Variants in ACO2 observed in about 807,000 individuals in gnomAD.
ACO2 encodes the protein aconitate hydratase, mitochondrial.
A neutral mutation model predicts 84.5 loss-of-function variants in ACO2; 31 were observed. That is an observed-to-expected ratio of 0.37 (90% CI 0.28 to 0.50). ACO2 has a LOEUF of 0.50. Among genes scored for constraint, ACO2 ranks in the 20% least tolerant of loss-of-function variants. The pLI is 0.97. For synonymous variants in ACO2, 414 were observed against 412.7 expected (o/e 1.00, Z -0.04); for missense variants, 685 against 1,029.3 (o/e 0.67, Z 4.58).
intron 16 of ACO2, 49 bp from the exon 17 acceptor site, chr22:41,527,852 T>G: frequency 6.2e-7 from 1 of 1,613,402 alleles, no homozygotes; most frequent in African/African-American, 1.3e-5. Context: ...AAAATGAAGC[T>G]CTCCAGGCTA....
In ACO2 at chr22:41,528,553, G is replaced by T. The variant is rs183859386; in HGVS notation, c.2283G>T (p.Thr761=). ...TILLNHTFNE[T]QIEWFRAGSA... is the part of the protein sequence containing the mutation. ...TCCTGAACCACACCTTCAACGAGAC[G>T]CAGATTGAGTGGTTCCGCGCTGGCA... The change falls in exon 18 of 18, where the codon ACG becomes ACT. Residue 761 remains threonine (T), a synonymous_variant. Coordinates refer to ENST00000216254, the MANE Select transcript of ACO2 (RefSeq NM_001098.3). 1.4e-5 allele frequency: 22 copies of T among 1,613,114 alleles called. No homozygotes were observed. The highest frequency in any genetic ancestry group is 1.9e-5 in the Non-Finnish European group (22 of 1,180,032).
chr22:41,474,811 G>A (rs1028282940), intron 1 of ACO2, among the ~76,000 whole-genome samples: 4 of 150,736 alleles, frequency 2.7e-5, no homozygotes, highest in African/African-American at 9.8e-5. Context: ...CTATTAGCCG[G>A]GATGGTCTCG....
chr22:41,518,417 T>G (rs2066492802), intron 7 of ACO2, 64 bp from the exon 8 acceptor site: 3 of 1,292,890 alleles, frequency 2.3e-6, no homozygotes, highest in Non-Finnish European at 3.3e-6. Flanking sequence ...AGGTGGGTGG[T>G]GAGTGAACTC....
Position 41,515,959 on chromosome 22 carries a change from G to A in ACO2, c.835+42G>A, listed in dbSNP as rs367893176. ...GGCGACGTGGCCCCTACCCTGTGCT[G>A]GGCCTGATGGGTCTCCAGTTGGGAG... is the stretch of plus-strand genomic sequence containing the variant. On this transcript the variant is annotated intron_variant, in intron 6 of 17. Coordinates refer to ENST00000216254, the MANE Select transcript of ACO2 (RefSeq NM_001098.3). This position sits in a 1 kb window ranked among gnomAD's most constrained non-coding sequence, Gnocchi z 5.8. 10 of 1,592,702 alleles carry A rather than the reference G, an allele frequency of 6.3e-6. No homozygotes were observed. The highest frequency in any genetic ancestry group is 8.6e-6 in the Non-Finnish European group (10 of 1,169,310).
Position 41,507,585 on chromosome 22 carries a change from C to G in ACO2, c.174-206C>G, listed in dbSNP as rs2066402980. On this transcript the variant is annotated intron_variant, in intron 2 of 17. Transcript: ENST00000216254. The stretch of plus-strand genomic sequence containing the variant: ...CATCAAGTAATTGTGGAGCACCTAA[C>G]AAGTGCCAGGTGCTGCAGGAGGTGA... 1.3e-5 allele frequency among the ~76,000 whole-genome samples: 2 copies of G among 152,202 alleles called. 1 individual carries two copies. Among genetic ancestry groups the G allele is most frequent in the Middle Eastern group, 6.3e-3 (2 of 316 alleles).
chr22:41,508,122 C>T, intron 3 of ACO2, 73 bp downstream of exon 3: 2 of 1,520,372 alleles, frequency 1.3e-6, no homozygotes, highest in Non-Finnish European at 1.8e-6. Context: ...CACACTGGAG[C>T]AAACCAGGGC....
chr22:41,471,767 ACT>A (rs1273979946), intron 1 of ACO2, among the ~76,000 whole-genome samples: 7 of 152,166 alleles, frequency 4.6e-5, no homozygotes, highest in African/African-American at 1.4e-4. Context: ...ATTTCACATG[ACT>A]CTGTGAGATG....
At chr22:41,484,150 C>T (rs542492350) in intron 1 of ACO2, among the ~76,000 whole-genome samples, 2 of 152,042 alleles carry the variant, frequency 1.3e-5, no homozygotes, top group Non-Finnish European at 2.9e-5. Flanking sequence ...TTTAATAATG[C>T]GTAAAGATGT....
At chr22:41,492,964 A>G (rs933336826) in intron 1 of ACO2, among the ~76,000 whole-genome samples, 5 of 152,096 alleles carry the variant, frequency 3.3e-5, no homozygotes, top group African/African-American at 1.2e-4. Context: ...AAAGAAAAGA[A>G]AAGGAATTTA....
In ACO2 at chr22:41,515,801, G is replaced by C. The variant is rs141878785; in HGVS notation, c.719G>C (p.Gly240Ala). The C allele has an allele frequency of 8.3e-4, 1,340 of 1,614,112 alleles. 2 individuals carry two copies. The highest frequency in any genetic ancestry group is 1.0e-3 in the Non-Finnish European group (1,236 of 1,180,048). ...IGVKLTGSLS[G>A]WSSPKDVILK... ...GTGAAGCTGACGGGCTCTCTCTCCG[G>C]TTGGTCCTCACCCAAAGATGTGATC... Residue 240 changes from glycine to alanine, a missense_variant, in exon 6 of 18, where the codon GGT becomes GCT. By Grantham distance (60) the Gly-to-Ala change is moderately conservative. Around this residue, in one of 5 missense-constraint regions of ACO2, gnomAD observed 311 missense variants for 441.6 expected, o/e 0.70. Transcript: ENST00000216254. This position sits in a 1 kb window ranked among gnomAD's most constrained non-coding sequence, Gnocchi z 5.8.
In ACO2 at chr22:41,499,684, T is replaced by G. The variant is rs775150364; in HGVS notation, c.37-42T>G. 4 of 1,602,790 alleles carry G rather than the reference T, an allele frequency of 2.5e-6. No individual in the cohort carries two copies. In the South Asian group the frequency reaches 4.4e-5, roughly 18 times the overall value. ...AGCTGCCCTCGGGGATGGACTCTCC[T>G]AAGTGCTCCATTGACAGTGGCTGTC... On this transcript the variant is annotated intron_variant, in intron 1 of 17. Coordinates refer to ENST00000216254, the MANE Select transcript of ACO2 (RefSeq NM_001098.3).
intron 15 of ACO2, 155 bp from the exon 16 acceptor site, chr22:41,527,133 C>G (rs1601935874): frequency 1.8e-6 from 2 of 1,123,332 alleles, no homozygotes; most frequent in East Asian, 5.0e-5. Context: ...CTTCACTTGC[C>G]CTTAGGCAGC....
In ACO2 at chr22:41,523,878, C is replaced by G. The variant is rs2066549938; in HGVS notation, c.1419C>G (p.Asn473Lys). 1 of 1,612,346 alleles carries G rather than the reference C, an allele frequency of 6.2e-7. No homozygotes were observed. The highest frequency in any genetic ancestry group is 1.3e-5 in the African/African-American group (1 of 74,870). ...AGAACACAATCGTCACCTCCTACAACAGGAACTTCACGGGCCGCAACGACG... is the reference window on the plus strand; with the variant it reads ...AGAACACAATCGTCACCTCCTACAAGAGGAACTTCACGGGCCGCAACGACG... Reference protein sequence around the residue: ...GEKNTIVTSYNRNFTGRNDAN... With the variant: ...GEKNTIVTSYKRNFTGRNDAN... The change falls in exon 12 of 18, where the codon AAC becomes AAG. Residue 473 changes from asparagine (N) to lysine (K), a missense_variant. Around this residue, in one of 5 missense-constraint regions of ACO2, gnomAD observed 311 missense variants for 441.6 expected, o/e 0.70. Coordinates refer to ENST00000216254, the MANE Select transcript of ACO2 (RefSeq NM_001098.3).
chr22:41,478,760 T>C (rs748367807), intron 1 of ACO2, among the ~76,000 whole-genome samples: 171 of 149,394 alleles, frequency 1.1e-3, no homozygotes, highest in Non-Finnish European at 1.7e-3. Flanking sequence ...CTGCCACATA[T>C]CTTCTTTTTT....
chr22:41,486,423 A>G (rs1175031058), intron 1 of ACO2, among the ~76,000 whole-genome samples: 1 of 150,042 alleles, frequency 6.7e-6, no homozygotes, highest in Non-Finnish European at 1.5e-5. Flanking sequence ...CCTCCCAAGT[A>G]GCTGGGACTA....
At position 41,528,744 on chromosome 22, in the gene ACO2, T is replaced by TAGCCCACGGAGTGACTGTGGTTG. The variant is rs1451536790; in HGVS notation, c.*132_*154dup. ...CCAGACATGCTTCCTGCTCCCCGCTTAGCCCACGGAGTGACTGTGGTTGTG... is the reference window on the plus strand; with the variant it reads ...CCAGACATGCTTCCTGCTCCCCGCTTAGCCCACGGAGTGACTGTGGTTGAGCCCACGGAGTGACTGTGGTTGTG... On this transcript the variant is annotated 3_prime_UTR_variant, in exon 18 of 18. Coordinates refer to ENST00000216254, the MANE Select transcript of ACO2 (RefSeq NM_001098.3). The TAGCCCACGGAGTGACTGTGGTTG allele has an allele frequency of 9.8e-6, 13 of 1,323,058 alleles. No individual in the cohort carries two copies. In the South Asian group the frequency reaches 1.9e-4, roughly 19 times the overall value. 82.0% of individuals were successfully genotyped at this position (1,323,058 alleles called of 1,614,324 possible).
At chr22:41,523,641 C>T (rs2066546063) in intron 11 of ACO2, among the ~76,000 whole-genome samples, 189 bp from the exon 12 acceptor site, 1 of 152,150 alleles carries the variant, frequency 6.6e-6, no homozygotes, top group Non-Finnish European at 1.5e-5. Flanking sequence ...CAGGCTGGGC[C>T]CAGTGATCCT....
At chr22:41,523,690 G>A in intron 11 of ACO2, 140 bp from the exon 12 acceptor site, 3 of 748,334 alleles carry the variant, frequency 4.0e-6, no homozygotes, top group Non-Finnish European at 6.7e-6. Context: ...CCAGGAGGAG[G>A]CAACCCTGGC....
At chr22:41,526,729 C>T (rs998043098) in intron 15 of ACO2, 4 of 393,734 alleles carry the variant, frequency 1.0e-5, no homozygotes, top group East Asian at 8.4e-5. Context: ...GGAAGGGGGC[C>T]GACTCAGGAA....
Sources: gnomAD v4.1 joint callset for allele counts (sites outside exome capture counted in the v4.1 genomes callset) on GRCh38, gnomAD v4.1.1 for gene constraint, gnomAD v4.1.1 regional missense constraint, Gnocchi (gnomAD v3.1) non-coding constraint, MANE v1.5 for transcripts, NCBI Gene and HGNC (gene_info 2026-07-23, HGNC 2026-07-21) for gene names.